The following NR3C2 variants were observed in gnomAD, a reference collection of about 807,000 sequenced individuals.
NR3C2 encodes mineralocorticoid receptor.
NR3C2 carries 15 observed loss-of-function variants against 86.4 expected under a neutral mutation model. The observed-to-expected ratio is 0.17, with a 90% CI of 0.12 to 0.27. The LOEUF (loss-of-function observed/expected upper bound fraction) is 0.27. Among genes scored for constraint, NR3C2 ranks in the 10% least tolerant of loss-of-function variants. The pLI, the probability that NR3C2 is intolerant of heterozygous loss-of-function variation, is 1.00. For synonymous variants in NR3C2, 458 were observed against 450.5 expected (o/e 1.02, Z -0.21); for missense variants, 960 against 1,195.6 (o/e 0.80, Z 2.91).
At chr4:148,136,146 C>G (rs1727253739) in intron 6 of NR3C2, among the ~76,000 whole-genome samples, 1 of 151,306 alleles carries the variant, frequency 6.6e-6, no homozygotes, top group African/African-American at 2.4e-5. Flanking sequence ...TCTGTGTTCT[C>G]TCTCTGGAAA....
chr4:148,129,934 T>C (rs1732939903), intron 6 of NR3C2, among the ~76,000 whole-genome samples: 1 of 152,212 alleles, frequency 6.6e-6, no homozygotes, highest in African/African-American at 2.4e-5. Context: ...AATATTTGTG[T>C]TTAATAATGC....
At position 148,418,839 on chromosome 4, in the gene NR3C2, GT is replaced by G. The variant is rs1749133801; in HGVS notation, c.1757+16264del. Among the ~76,000 whole-genome samples the G allele has an allele frequency of 2.6e-5, 4 of 152,244 alleles. No homozygotes were observed. The South Asian group carries it at 8.3e-4, about 32-fold the overall frequency. On this transcript the variant is annotated intron_variant, in intron 2 of 8. Coordinates refer to ENST00000358102, the MANE Select transcript of NR3C2 (RefSeq NM_000901.5). ...GGAAACTCATTCTTAGAGAGGATAG[GT>G]AACTTGCTCAAGGCCATATGATGAG...
chr4:148,238,491 A>C (rs61758917), intron 3 of NR3C2, among the ~76,000 whole-genome samples: 2 of 152,218 alleles, frequency 1.3e-5, no homozygotes, highest in Non-Finnish European at 2.9e-5. Context: ...TATAAATGGC[A>C]TCAAAAGACT....
At chr4:148,271,623 A>G (rs1190822903) in intron 2 of NR3C2, among the ~76,000 whole-genome samples, 1 of 152,158 alleles carries the variant, frequency 6.6e-6, no homozygotes, top group Non-Finnish European at 1.5e-5. Flanking sequence ...TAAAAAAAGC[A>G]AAAACTACCA....
intron 8 of NR3C2, among the ~76,000 whole-genome samples, chr4:148,098,192 A>G (rs1184216739): frequency 6.6e-6 from 1 of 152,174 alleles, no homozygotes; most frequent in African/African-American, 2.4e-5. Context: ...TTACGGTTAC[A>G]TTGCTGGTCG....
intron 2 of NR3C2, among the ~76,000 whole-genome samples, chr4:148,307,846 T>TAA (rs200007641): frequency 6.7e-6 from 1 of 148,960 alleles, no homozygotes; most frequent in Non-Finnish European, 1.5e-5. Flanking sequence ...TCTGCATCAT[T>TAA]AAAAAAAACA....
At chr4:148,264,743 C>G (rs900561031) in intron 2 of NR3C2, among the ~76,000 whole-genome samples, 3 of 152,150 alleles carry the variant, frequency 2.0e-5, no homozygotes, top group African/African-American at 7.2e-5. Context: ...CTGTCCTGAT[C>G]AAGTTTAATC....
intron 2 of NR3C2, among the ~76,000 whole-genome samples, chr4:148,307,174 A>G (rs1326792948): frequency 6.6e-6 from 1 of 152,134 alleles, no homozygotes; most frequent in Non-Finnish European, 1.5e-5. Flanking sequence ...AAAATGCAAA[A>G]AAAAAACTTG....
intron 2 of NR3C2, among the ~76,000 whole-genome samples, chr4:148,341,546 T>C (rs150790831): frequency 1.3e-5 from 2 of 152,222 alleles, no homozygotes; most frequent in East Asian, 3.9e-4. Flanking sequence ...GAAAGCACAG[T>C]AGGGCAACTA....
chr4:148,366,899 G>A (rs72729967), intron 2 of NR3C2, among the ~76,000 whole-genome samples: 16,096 of 151,970 alleles, frequency 0.11, 982 homozygotes, highest in Middle Eastern at 0.28. Flanking sequence ...AATTACACTG[G>A]CAACATGACT....
chr4:148,111,949 T>C (rs975123083), intron 8 of NR3C2, among the ~76,000 whole-genome samples: 2 of 152,180 alleles, frequency 1.3e-5, no homozygotes, highest in South Asian at 2.1e-4. Flanking sequence ...ACTTATAAAA[T>C]TGTGGACTTT....
At chr4:148,118,546 A>C (rs1668988113) in intron 7 of NR3C2, among the ~76,000 whole-genome samples, 1 of 152,168 alleles carries the variant, frequency 6.6e-6, no homozygotes, top group African/African-American at 2.4e-5. Flanking sequence ...ACAATTTTCT[A>C]TAAGGATAAT....
chr4:148,409,724 C>A (rs1042650293), intron 2 of NR3C2, among the ~76,000 whole-genome samples: 1 of 151,956 alleles, frequency 6.6e-6, no homozygotes, highest in African/African-American at 2.4e-5. Context: ...AAACTTCATG[C>A]AAAATATTTT....
intron 2 of NR3C2, among the ~76,000 whole-genome samples, chr4:148,334,930 T>C (rs1038291571): frequency 1.3e-5 from 2 of 152,208 alleles, no homozygotes; most frequent in African/African-American, 4.8e-5. Context: ...TCTGGGCTTC[T>C]GCTGCATCAC....
chr4:148,412,010 C>T (rs1287405593), intron 2 of NR3C2, among the ~76,000 whole-genome samples: 1 of 152,156 alleles, frequency 6.6e-6, no homozygotes, highest in East Asian at 1.9e-4. Context: ...TGGGCTATAA[C>T]ACATCCAGTT....
intron 2 of NR3C2, among the ~76,000 whole-genome samples, chr4:148,311,500 T>C (rs1742897961): frequency 1.3e-5 from 2 of 152,100 alleles, no homozygotes; most frequent in South Asian, 4.1e-4. Context: ...ACATCCAGAA[T>C]TGGTCACTTC....
At chr4:148,227,485 G>A (rs546758782) in intron 3 of NR3C2, among the ~76,000 whole-genome samples, 2 of 152,158 alleles carry the variant, frequency 1.3e-5, no homozygotes, top group Admixed American at 6.5e-5. Flanking sequence ...TATCTTTTGG[G>A]GGGATATTTC....
intron 3 of NR3C2, among the ~76,000 whole-genome samples, chr4:148,197,725 A>G (rs760827914): frequency 3.9e-5 from 6 of 152,188 alleles, no homozygotes; most frequent in Non-Finnish European, 2.9e-5. Context: ...TCTTCCACAT[A>G]TAGGATAGGA....
intron 4 of NR3C2, among the ~76,000 whole-genome samples, chr4:148,162,050 A>G (rs1734686074): frequency 6.6e-6 from 1 of 152,188 alleles, no homozygotes; most frequent in South Asian, 2.1e-4. Context: ...GAGGACCAGG[A>G]CACTTTGCTG....
Sources: allele counts gnomAD v4.1 joint callset (sites outside exome capture counted in the v4.1 genomes callset), GRCh38; gene constraint gnomAD v4.1.1; transcripts MANE v1.5; gene names NCBI Gene and HGNC (gene_info 2026-07-23, HGNC 2026-07-21).